The following TNFSF4 variants were observed in gnomAD, a reference collection of about 807,000 sequenced individuals.
TNFSF4 encodes tumor necrosis factor ligand superfamily member 4.
Under a neutral mutation model 7.3 loss-of-function variants are expected in TNFSF4, and 4 were observed. That is an observed-to-expected ratio of 0.55 (90% CI 0.27 to 1.25). The LOEUF (loss-of-function observed/expected upper bound fraction) is 1.25. Among genes scored for constraint, TNFSF4 ranks in the 50% most tolerant of loss-of-function variants. TNFSF4 has a pLI of 0.12. For missense variants in TNFSF4, 181 were observed against 208.8 expected (o/e 0.87, Z 0.82); for synonymous variants, 76 against 83.7 (o/e 0.91, Z 0.50).
intron 1 of TNFSF4, among the ~76,000 whole-genome samples, chr1:173,200,610 C>T (rs1462600422): frequency 6.6e-6 from 1 of 152,108 alleles, no homozygotes; most frequent in African/African-American, 2.4e-5. Context: ...TATTTTATAT[C>T]TCATTAAGAT....
At chr1:173,200,081 T>C (rs1649878963) in intron 1 of TNFSF4, among the ~76,000 whole-genome samples, 1 of 152,220 alleles carries the variant, frequency 6.6e-6, no homozygotes, top group African/African-American at 2.4e-5. Context: ...CCCTTTATGA[T>C]GGCATAAATC....
At chr1:173,435,785 C>G in the TNFSF4 span, among the ~76,000 whole-genome samples, 1 of 152,176 alleles carries the variant, frequency 6.6e-6, no homozygotes. Context: ...GAAAGAAAAA[C>G]TGTAGTCAAT....
chr1:173,277,465 G>A, the TNFSF4 span, among the ~76,000 whole-genome samples: 14 of 151,852 alleles, frequency 9.2e-5, no homozygotes, highest in Admixed American at 1.3e-4. Context: ...GAACTTCAAC[G>A]GTAAAAACAA....
chr1:173,250,035 C>T, the TNFSF4 span, among the ~76,000 whole-genome samples: 1 of 152,088 alleles, frequency 6.6e-6, no homozygotes, highest in Admixed American at 6.6e-5. Flanking sequence ...AAAAAAAGTT[C>T]CTGAACCTCT....
At chr1:173,368,682 C>T in the TNFSF4 span, among the ~76,000 whole-genome samples, 1 of 152,012 alleles carries the variant, frequency 6.6e-6, no homozygotes, top group Admixed American at 6.6e-5. Flanking sequence ...AGAAGAAAGC[C>T]ATTCAGCTTC....
intron 2 of TNFSF4, 124 bp downstream of exon 2, chr1:173,188,397 T>C: frequency 5.3e-6 from 4 of 755,974 alleles, no homozygotes; most frequent in Non-Finnish European, 8.8e-6. Flanking sequence ...AATTCTGGGA[T>C]TTAATTGGAA....
At chr1:173,334,775 A>G in the TNFSF4 span, among the ~76,000 whole-genome samples, 1 of 152,110 alleles carries the variant, frequency 6.6e-6, no homozygotes, top group African/African-American at 2.4e-5. Context: ...GAAAATTGTA[A>G]TGGTCTCCCT....
chr1:173,237,589 C>T, the TNFSF4 span, among the ~76,000 whole-genome samples: 1 of 152,148 alleles, frequency 6.6e-6, no homozygotes, highest in Admixed American at 6.6e-5. Flanking sequence ...GTACAAAAAT[C>T]AGTAGCATTC....
chr1:173,445,875 T>G, the TNFSF4 span, among the ~76,000 whole-genome samples: 1 of 152,226 alleles, frequency 6.6e-6, no homozygotes, highest in Middle Eastern at 3.4e-3. Context: ...TACTCAAAGC[T>G]GCCAAGTAGA....
the TNFSF4 span, among the ~76,000 whole-genome samples, chr1:173,366,981 C>T: frequency 1.3e-5 from 2 of 152,286 alleles, no homozygotes; most frequent in South Asian, 4.1e-4. Context: ...TTCTAAGCCC[C>T]TGGGAGGGGC....
At chr1:173,290,602 G>C in the TNFSF4 span, among the ~76,000 whole-genome samples, 3 of 152,084 alleles carry the variant, frequency 2.0e-5, no homozygotes, top group East Asian at 5.8e-4. Flanking sequence ...CGAATTCTTA[G>C]AAGAAACTTA....
At chr1:173,206,980 C>A in intron 1 of TNFSF4, 44 bp downstream of exon 1, 1 of 1,547,474 alleles carries the variant, frequency 6.5e-7, no homozygotes, top group Non-Finnish European at 8.8e-7. Flanking sequence ...CAGCTGCCAT[C>A]AGCATGAGCT....
the TNFSF4 span, among the ~76,000 whole-genome samples, chr1:173,326,201 G>T: frequency 6.6e-6 from 1 of 152,140 alleles, no homozygotes; most frequent in Non-Finnish European, 1.5e-5. Context: ...GGGATGCAAG[G>T]CTGGTTCAAC....
the TNFSF4 span, among the ~76,000 whole-genome samples, chr1:173,414,391 G>A: frequency 5.9e-5 from 9 of 151,970 alleles, no homozygotes; most frequent in African/African-American, 1.5e-4. Context: ...TCATTTAACC[G>A]TTACCTTCTT....
At chr1:173,364,610 G>A in the TNFSF4 span, among the ~76,000 whole-genome samples, 1 of 151,916 alleles carries the variant, frequency 6.6e-6, no homozygotes, top group African/African-American at 2.4e-5. Flanking sequence ...ACTTCTTAAG[G>A]GAGTTGAAAC....
At chr1:173,355,228 C>G in the TNFSF4 span, among the ~76,000 whole-genome samples, 24 of 152,142 alleles carry the variant, frequency 1.6e-4, no homozygotes, top group African/African-American at 5.8e-4. Context: ...GATATTGGGC[C>G]GACCTGGATG....
the TNFSF4 span, among the ~76,000 whole-genome samples, chr1:173,302,624 C>T: frequency 6.6e-6 from 1 of 152,038 alleles, no homozygotes; most frequent in South Asian, 2.1e-4. Context: ...CAATCCCATA[C>T]TGTTTTTACA....
chr1:173,385,172 G>C, the TNFSF4 span, among the ~76,000 whole-genome samples: 1 of 152,282 alleles, frequency 6.6e-6, no homozygotes, highest in African/African-American at 2.4e-5. Flanking sequence ...ATTTTATTGG[G>C]TTCTTGATGC....
chr1:173,288,308 C>T, the TNFSF4 span, among the ~76,000 whole-genome samples: 1 of 152,088 alleles, frequency 6.6e-6, no homozygotes. Flanking sequence ...TGGTGGCATG[C>T]ACCTGTAGAC....
Sources: allele counts gnomAD v4.1 joint callset (sites outside exome capture counted in the v4.1 genomes callset), GRCh38; gene constraint gnomAD v4.1.1; transcripts MANE v1.5; gene names NCBI Gene and HGNC (gene_info 2026-07-23, HGNC 2026-07-21).